FHIT: variants seen among roughly 807,000 people sequenced by gnomAD.
FHIT encodes the protein fragile histidine triad diadenosine triphosphatase, also known as bis(5'-adenosyl)-triphosphatase.
FHIT carries 19 observed loss-of-function variants against 17.9 expected under a neutral mutation model. The observed-to-expected ratio is 1.06, with a 90% CI of 0.74 to 1.56. The LOEUF is 1.56. Among genes scored for constraint, FHIT ranks in the 40% most tolerant of loss-of-function variants. The pLI is 0.00. For missense variants in FHIT, 248 were observed against 189.2 expected, an observed-to-expected ratio of 1.31 and a Z score of -1.82; for synonymous variants, 81 against 69.7, an observed-to-expected ratio of 1.16 and a Z score of -0.81.
intron 7 of FHIT, among the ~76,000 whole-genome samples, chr3:59,965,876 A>G (rs1407570064): frequency 1.3e-5 from 2 of 152,202 alleles, no homozygotes; most frequent in African/African-American, 4.8e-5. Context: ...GGCTCTATCA[A>G]ACAAGAGCAA....
chr3:60,140,187 A>C (rs371446290), intron 5 of FHIT, among the ~76,000 whole-genome samples: 1 of 152,128 alleles, frequency 6.6e-6, no homozygotes. Context: ...TCCTATAGAC[A>C]TATTTTTGTA....
intron 4 of FHIT, among the ~76,000 whole-genome samples, chr3:60,707,965 T>C (rs1477668760): frequency 6.6e-6 from 1 of 152,218 alleles, no homozygotes; most frequent in Non-Finnish European, 1.5e-5. Flanking sequence ...GTGAATACGC[T>C]ATAGTTTTCA....
chr3:61,061,262 G>T (rs1340239912), intron 2 of FHIT, among the ~76,000 whole-genome samples: 1 of 152,102 alleles, frequency 6.6e-6, no homozygotes, highest in African/African-American at 2.4e-5. Context: ...TCAGTCGGTT[G>T]GTTTTGTGTT....
At chr3:60,621,321 T>C (rs2039122760) in intron 4 of FHIT, among the ~76,000 whole-genome samples, 1 of 151,878 alleles carries the variant, frequency 6.6e-6, no homozygotes, top group African/African-American at 2.4e-5. Context: ...GCTACTTTTT[T>C]GTATTTTTAG....
chr3:60,798,572 A>G (rs1553731176), intron 4 of FHIT, among the ~76,000 whole-genome samples: 1 of 152,132 alleles, frequency 6.6e-6, no homozygotes, highest in Non-Finnish European at 1.5e-5. Context: ...CAGATGGTAT[A>G]TGGCCTCCTT....
intron 3 of FHIT, among the ~76,000 whole-genome samples, chr3:60,979,960 C>T (rs921428054): frequency 6.0e-4 from 91 of 152,230 alleles, no homozygotes; most frequent in African/African-American, 2.0e-3. Context: ...GATTCAACCT[C>T]ATCTGCTGTT....
intron 8 of FHIT, among the ~76,000 whole-genome samples, chr3:59,894,059 C>G (rs1042926331): frequency 2.0e-5 from 3 of 152,244 alleles, no homozygotes; most frequent in Admixed American, 1.3e-4. Flanking sequence ...TTTAGACCAG[C>G]CTGGGCAACA....
rs371483241 is a variant in FHIT at position 60,312,741 on chromosome 3, C to T, written c.103+224119G>A. On this transcript the variant is annotated intron_variant, in intron 5 of 9. Coordinates refer to ENST00000492590, the MANE Select transcript of FHIT (RefSeq NM_002012.4). Reference sequence around the variant, plus strand: ...GGAGGACCTACTTTATTTTTAACAACGCCTCCCTGAAGTAGGTACTATGTA... The same window carrying T: ...GGAGGACCTACTTTATTTTTAACAATGCCTCCCTGAAGTAGGTACTATGTA... Among the ~76,000 whole-genome samples the T allele has an allele frequency of 7.2e-4, 110 of 152,214 alleles. 4 individuals are homozygous for T. In the South Asian group the frequency reaches 0.022, roughly 30 times the overall value.
At chr3:60,846,197 T>C (rs1203275301) in intron 3 of FHIT, among the ~76,000 whole-genome samples, 1 of 152,154 alleles carries the variant, frequency 6.6e-6, no homozygotes, top group Non-Finnish European at 1.5e-5. Context: ...ATACATAAAA[T>C]TTTAAAACCT....
chr3:60,195,392 C>T (rs758648526), intron 5 of FHIT, among the ~76,000 whole-genome samples: 7 of 151,474 alleles, frequency 4.6e-5, no homozygotes, highest in African/African-American at 7.3e-5. Context: ...TTCTATCTTG[C>T]GATCCCAATA....
At position 60,674,475 on chromosome 3, in the gene FHIT, C is replaced by T. The variant is rs376225317; in HGVS notation, c.-17-137496G>A. On this transcript the variant is annotated intron_variant, in intron 4 of 9. Transcript: ENST00000492590. ...AGTAATTTTTTTGTTGTATGCTAAA[C>T]ACAGGGCGACACATTTAGGGAATCT... is the stretch of plus-strand genomic sequence containing the variant. 2.6e-4 allele frequency among the ~76,000 whole-genome samples: 39 copies of T among 152,272 alleles called. No individual in the cohort carries two copies. The East Asian group carries it at 6.9e-3, about 27-fold the overall frequency.
At position 59,804,069 on chromosome 3, in the gene FHIT, C is replaced by T. The variant is rs1251012940; in HGVS notation, c.349-51748G>A. On this transcript the variant is annotated intron_variant, in intron 8 of 9. Coordinates refer to ENST00000492590, the MANE Select transcript of FHIT (RefSeq NM_002012.4). Reference sequence around the variant, plus strand: ...CATCAGGCAAGATGTGCATATTCATCATTGATGTGGCTTGATCATGACATA... The same window carrying T: ...CATCAGGCAAGATGTGCATATTCATTATTGATGTGGCTTGATCATGACATA... Among the ~76,000 whole-genome samples, 4 of 152,210 alleles carry T rather than the reference C, an allele frequency of 2.6e-5. No homozygotes were observed. In the East Asian group the frequency reaches 7.7e-4, roughly 29 times the overall value.
At chr3:60,965,994 A>C (rs1463191239) in intron 3 of FHIT, among the ~76,000 whole-genome samples, 2 of 152,142 alleles carry the variant, frequency 1.3e-5, no homozygotes, top group African/African-American at 2.4e-5. Context: ...AAGTCTGCAG[A>C]AGTTTCTGCT....
intron 8 of FHIT, among the ~76,000 whole-genome samples, chr3:59,838,768 G>T (rs1701426138): frequency 6.6e-6 from 1 of 152,124 alleles, no homozygotes. Flanking sequence ...TCAAGCAAAA[G>T]TACTTGTACA....
intron 4 of FHIT, among the ~76,000 whole-genome samples, chr3:60,731,671 A>G (rs2042033164): frequency 6.6e-6 from 1 of 152,198 alleles, no homozygotes; most frequent in Non-Finnish European, 1.5e-5. Flanking sequence ...CTTAGTGCAC[A>G]TACTTGATCC....
chr3:60,020,809 G>A (rs1308665702), intron 5 of FHIT, among the ~76,000 whole-genome samples: 1 of 152,140 alleles, frequency 6.6e-6, no homozygotes, highest in African/African-American at 2.4e-5. Context: ...GATTTAAATA[G>A]CACAATTACA....
intron 8 of FHIT, among the ~76,000 whole-genome samples, chr3:59,871,606 C>T (rs1702928004): frequency 6.6e-6 from 1 of 152,132 alleles, no homozygotes; most frequent in Admixed American, 6.5e-5. Flanking sequence ...TATTTGCCCA[C>T]TCCAAAGAAC....
chr3:59,951,283 A>T (rs903760615), intron 7 of FHIT, among the ~76,000 whole-genome samples: 2 of 149,710 alleles, frequency 1.3e-5, no homozygotes, highest in African/African-American at 5.0e-5. Context: ...ACAGAAATGG[A>T]AGTTGCTGTT....
intron 8 of FHIT, among the ~76,000 whole-genome samples, chr3:59,862,150 T>A (rs1702434744): frequency 6.6e-6 from 1 of 152,346 alleles, no homozygotes; most frequent in South Asian, 2.1e-4. Flanking sequence ...AGAGGTTTAA[T>A]GGACTCACAG....
Sources: allele counts gnomAD v4.1 joint callset (sites outside exome capture counted in the v4.1 genomes callset), GRCh38; gene constraint gnomAD v4.1.1; transcripts MANE v1.5; gene names NCBI Gene and HGNC (gene_info 2026-07-23, HGNC 2026-07-21).